The following OR2T12 variants were observed in gnomAD, a reference collection of about 807,000 sequenced individuals.
The protein encoded by OR2T12 is olfactory receptor family 2 subfamily T member 12, also known as olfactory receptor 2T12.
For synonymous variants in OR2T12, 127 were observed against 160.5 expected, an observed-to-expected ratio of 0.79 and a Z score of 1.58; for missense variants, 335 against 404.3, an observed-to-expected ratio of 0.83 and a Z score of 1.47.
chr1:248,292,132 C>T lies in OR2T12; in HGVS notation c.*2484G>A, dbSNP rs370286600. 9.2e-5 allele frequency: 14 copies of T among 151,800 alleles called. No individual in the cohort carries two copies. The highest frequency in any genetic ancestry group is 7.7e-4 in the East Asian group (4 of 5,188). 9.4% of individuals were successfully genotyped at this position (151,800 alleles called of 1,614,324 possible). A position where few individuals can be genotyped will look rare whatever the true frequency, so the allele number is the denominator to read the frequency against. On this transcript the variant is annotated 3_prime_UTR_variant, in exon 3 of 3. Coordinates refer to ENST00000641276, the MANE Select transcript of OR2T12 (RefSeq NM_001004692.2). ...CAGCAGAAGATGAATAAATTCTAGT[C>T]GGAGCCACAACATTATGTTTCTTAA...
intron 1 of OR2T12, among the ~76,000 whole-genome samples, chr1:248,302,980 A>G (rs551214487): frequency 3.3e-4 from 51 of 152,240 alleles, no homozygotes; most frequent in Non-Finnish European, 3.4e-4. Flanking sequence ...ATGAGCTACA[A>G]TTATTTAAAG....
At position 248,294,752 on chromosome 1, in the gene OR2T12, T is replaced by C. The variant is rs765390019; in HGVS notation, c.827A>G (p.Tyr276Cys). Residue 276 changes from tyrosine to cysteine, a missense_variant, in exon 3 of 3, where the codon TAT (tyrosine) becomes TGT (cysteine). Physicochemically the swap from Tyr to Cys is radical, Grantham distance 194. Transcript: ENST00000641276. ...TNHDKVVSAF[Y>C]TMFTPLLNPL... ...ATTTAGTAAAGGGGTGAACATAGTATAGAAGGCTGACACAACCTTATCGTG... is the reference window on the plus strand; with the variant it reads ...ATTTAGTAAAGGGGTGAACATAGTACAGAAGGCTGACACAACCTTATCGTG... 9 of 1,613,918 alleles carry C rather than the reference T, an allele frequency of 5.6e-6. No individual in the cohort carries two copies. The African/African-American group carries it at 8.0e-5, about 14-fold the overall frequency.
At chr1:248,301,143 T>C (rs1163915732) in intron 2 of OR2T12, among the ~76,000 whole-genome samples, 2 of 152,116 alleles carry the variant, frequency 1.3e-5, no homozygotes, top group African/African-American at 4.8e-5. Flanking sequence ...ATTGACTTCA[T>C]TGATTTCATC....
intron 2 of OR2T12, among the ~76,000 whole-genome samples, chr1:248,298,699 C>T (rs1049008136): frequency 1.3e-5 from 2 of 151,262 alleles, no homozygotes; most frequent in Non-Finnish European, 2.9e-5. Context: ...GTGGTGATAT[C>T]CCCTTTATCA....
chr1:248,295,672 T>G (rs11204626), intron 2 of OR2T12, 86 bp from the exon 3 acceptor site: 1 of 1,496,680 alleles, frequency 6.7e-7, no homozygotes, highest in Non-Finnish European at 8.9e-7. Flanking sequence ...TTTCTGGACA[T>G]ATGTACTGGA....
chr1:248,294,477 T>A lies in OR2T12; in HGVS notation c.*139A>T. ...CAAAAATGGTATCTGTCAATACAAT[T>A]GGCTCACTTCATTCTTAAAAATATC... On this transcript the variant is annotated 3_prime_UTR_variant, in exon 3 of 3. Transcript: ENST00000641276. 1 of 1,129,864 alleles carries A rather than the reference T, an allele frequency of 8.9e-7. No homozygotes were observed. Among genetic ancestry groups the A allele is most frequent in the Admixed American group, 2.3e-5 (1 of 42,638 alleles). 70.0% of individuals were successfully genotyped at this position (1,129,864 alleles called of 1,614,324 possible).
intron 2 of OR2T12, among the ~76,000 whole-genome samples, chr1:248,297,353 A>C (rs894733225): frequency 3.4e-4 from 51 of 152,144 alleles, no homozygotes; most frequent in African/African-American, 1.2e-3. Flanking sequence ...TTTTGGTTCC[A>C]TATGAACTTT....
chr1:248,299,254 A>T (rs184055708), intron 2 of OR2T12, among the ~76,000 whole-genome samples: 278 of 152,338 alleles, frequency 1.8e-3, no homozygotes, highest in Non-Finnish European at 3.2e-3. Context: ...TTGGATAAAG[A>T]GTCAAGACCC....
At chr1:248,296,567 T>C (rs1310468479) in intron 2 of OR2T12, among the ~76,000 whole-genome samples, 1 of 152,144 alleles carries the variant, frequency 6.6e-6, no homozygotes, top group Non-Finnish European at 1.5e-5. Flanking sequence ...TGAGATGATA[T>C]CTCATTGTGG....
chr1:248,296,281 T>A (rs1295566664), intron 2 of OR2T12, among the ~76,000 whole-genome samples: 3 of 152,200 alleles, frequency 2.0e-5, no homozygotes, highest in African/African-American at 4.8e-5. Context: ...TGGTTCCAAG[T>A]CTTTGCTATT....
chr1:248,301,785 C>A (rs1659814718), intron 1 of OR2T12, among the ~76,000 whole-genome samples: 1 of 151,862 alleles, frequency 6.6e-6, no homozygotes, highest in African/African-American at 2.4e-5. Flanking sequence ...TTTTAAATGT[C>A]TTTTTTATGT....
intron 2 of OR2T12, 60 bp from the exon 3 acceptor site, chr1:248,295,646 CT>C (rs1659714323): frequency 6.6e-7 from 1 of 1,522,786 alleles, no homozygotes; most frequent in Non-Finnish European, 8.8e-7. Context: ...GTCTGAATAA[CT>C]GTTTGACTGC....
intron 2 of OR2T12, among the ~76,000 whole-genome samples, chr1:248,297,076 A>T (rs1244796468): frequency 6.6e-6 from 1 of 152,158 alleles, no homozygotes; most frequent in Non-Finnish European, 1.5e-5. Context: ...ACATATGGCT[A>T]GCCAGTTTTC....
At chr1:248,300,091 T>G (rs962688601) in intron 2 of OR2T12, among the ~76,000 whole-genome samples, 6 of 151,890 alleles carry the variant, frequency 4.0e-5, no homozygotes, top group Non-Finnish European at 7.4e-5. Flanking sequence ...CCCTAAAACT[T>G]AAAGTATAAT....
intron 2 of OR2T12, among the ~76,000 whole-genome samples, chr1:248,296,125 A>G (rs956980855): frequency 1.3e-5 from 2 of 151,832 alleles, no homozygotes; most frequent in African/African-American, 2.4e-5. Flanking sequence ...TGTCCTTGCA[A>G]TAGTTTACTG....
rs755223418 is a variant in OR2T12 at position 248,290,719 on chromosome 1, C to T, written c.*3897G>A. On this transcript the variant is annotated 3_prime_UTR_variant, in exon 3 of 3. Transcript: ENST00000641276. Reference sequence around the variant, plus strand: ...TGCTATTTCTCCGCATACGTGCCAGCGTCTGTTGTTTCCTGACTTTTTTTA... The same window carrying T: ...TGCTATTTCTCCGCATACGTGCCAGTGTCTGTTGTTTCCTGACTTTTTTTA... The T allele has an allele frequency of 1.3e-5, 2 of 152,144 alleles. No individual in the cohort carries two copies. Among genetic ancestry groups the T allele is most frequent in the Non-Finnish European group, 2.9e-5 (2 of 68,022 alleles). 9.4% of individuals were successfully genotyped at this position (152,144 alleles called of 1,614,324 possible). A position where few individuals can be genotyped will look rare whatever the true frequency, so the allele number is the denominator to read the frequency against.
chr1:248,303,154 AG>A (rs1163496144), intron 1 of OR2T12, among the ~76,000 whole-genome samples, 191 bp downstream of exon 1: 3 of 152,180 alleles, frequency 2.0e-5, no homozygotes, highest in African/African-American at 7.2e-5. Context: ...TGATAAGCTG[AG>A]GCAGGTAACC....
chr1:248,301,746 T>A (rs1180378240), intron 1 of OR2T12, among the ~76,000 whole-genome samples, 193 bp from the exon 2 acceptor site: 1 of 152,150 alleles, frequency 6.6e-6, no homozygotes, highest in Non-Finnish European at 1.5e-5. Flanking sequence ...TCCGTCATTT[T>A]GTAAAAAGAT....
At chr1:248,302,304 T>G (rs959196679) in intron 1 of OR2T12, among the ~76,000 whole-genome samples, 1 of 152,126 alleles carries the variant, frequency 6.6e-6, no homozygotes, top group Non-Finnish European at 1.5e-5. Context: ...TTGATGAGTT[T>G]CACAAATAGA....
Sources: gnomAD v4.1 joint callset for allele counts (sites outside exome capture counted in the v4.1 genomes callset) on GRCh38, gnomAD v4.1.1 for gene constraint, MANE v1.5 for transcripts, NCBI Gene and HGNC (gene_info 2026-07-23, HGNC 2026-07-21) for gene names.